The following GADL1 variants were observed in gnomAD, a reference collection of about 807,000 sequenced individuals.
The protein encoded by GADL1 is acidic amino acid decarboxylase GADL1.
A neutral mutation model predicts 69.5 loss-of-function variants in GADL1; 71 were observed. The observed-to-expected ratio is 1.02, with a 90% confidence interval of 0.84 to 1.25. GADL1 has a LOEUF of 1.25. Among genes scored for constraint, GADL1 ranks in the 50% most tolerant of loss-of-function variants. GADL1 has a pLI of 0.00. For synonymous variants in GADL1, 254 were observed against 214.4 expected, an observed-to-expected ratio of 1.18 and a Z score of -1.62; for missense variants, 737 against 631.8, an observed-to-expected ratio of 1.17 and a Z score of -1.79.
intron 14 of GADL1, among the ~76,000 whole-genome samples, chr3:30,771,199 G>A (rs1358561519): frequency 6.6e-6 from 1 of 152,204 alleles, no homozygotes; most frequent in East Asian, 1.9e-4. Flanking sequence ...CCCTTCAGCT[G>A]AAGGAACACT....
intron 14 of GADL1, among the ~76,000 whole-genome samples, chr3:30,753,582 G>C (rs9820033): frequency 0.43 from 64,571 of 151,222 alleles, 14,247 homozygotes; most frequent in African/African-American, 0.53. Context: ...AACAAGCGTC[G>C]GAAGACCAAC....
chr3:30,728,089 T>A lies in GADL1; in HGVS notation c.*153A>T. 1 of 631,662 alleles carries A rather than the reference T, an allele frequency of 1.6e-6. No homozygotes were observed. Among genetic ancestry groups the A allele is most frequent in the East Asian group, 2.6e-5 (1 of 38,902 alleles). The allele number at this position is 631,662 out of a possible 1,614,324, so 39.1% of individuals were successfully genotyped here. On this transcript the variant is annotated 3_prime_UTR_variant, in exon 15 of 15. Transcript: ENST00000282538. ...CAGGCAGCTAGAGAGTCCTTAATAT[T>A]CATTGCTTAGCATTTTGGTTTTGCT...
At chr3:30,762,540 G>C (rs961326233) in intron 14 of GADL1, among the ~76,000 whole-genome samples, 3 of 152,076 alleles carry the variant, frequency 2.0e-5, no homozygotes, top group Admixed American at 6.6e-5. Context: ...AAGATGTTTT[G>C]ATACAGGCAT....
intron 11 of GADL1, among the ~76,000 whole-genome samples, chr3:30,823,293 A>G (rs1697622401): frequency 6.6e-6 from 1 of 152,002 alleles, no homozygotes; most frequent in African/African-American, 2.4e-5. Context: ...TGTGTCCACC[A>G]AGTGTGGAGA....
intron 14 of GADL1, among the ~76,000 whole-genome samples, chr3:30,775,041 G>A (rs1164429329): frequency 1.2e-4 from 19 of 152,172 alleles, no homozygotes. Context: ...GTCAGAGGAG[G>A]ATTTTACGGA....
intron 12 of GADL1, chr3:30,800,066 A>T (rs1323344698): frequency 2.6e-5 from 4 of 152,938 alleles, no homozygotes; most frequent in Non-Finnish European, 5.8e-5. Context: ...CCTGTTACCC[A>T]GTTCCAAAGT....
At chr3:30,744,000 C>A (rs1695664610) in intron 14 of GADL1, among the ~76,000 whole-genome samples, 1 of 152,134 alleles carries the variant, frequency 6.6e-6, no homozygotes, top group African/African-American at 2.4e-5. Flanking sequence ...CTGTGACTGA[C>A]CCCCAGGGCA....
chr3:30,769,448 T>C (rs1024047531), intron 14 of GADL1, among the ~76,000 whole-genome samples: 5 of 152,170 alleles, frequency 3.3e-5, no homozygotes, highest in Admixed American at 3.3e-4. Flanking sequence ...GGATGATTCC[T>C]ATCTGTAGAA....
chr3:30,763,513 G>GT (rs1470208576), intron 14 of GADL1, among the ~76,000 whole-genome samples: 1 of 123,418 alleles, frequency 8.1e-6, no homozygotes, highest in Non-Finnish European at 1.6e-5. Context: ...GCGGCGGGGG[G>GT]TGGGGGTGGG....
At chr3:30,821,555 T>A (rs1274942816) in intron 11 of GADL1, among the ~76,000 whole-genome samples, 2 of 152,014 alleles carry the variant, frequency 1.3e-5, no homozygotes, top group Non-Finnish European at 2.9e-5. Flanking sequence ...TTAAAAAGAA[T>A]CTTTGTGTGA....
chr3:30,833,458 T>C (rs939008721), intron 11 of GADL1, among the ~76,000 whole-genome samples: 1 of 152,078 alleles, frequency 6.6e-6, no homozygotes, highest in Admixed American at 6.6e-5. Context: ...AAGTATTCAA[T>C]TTAATGTATG....
intron 14 of GADL1, among the ~76,000 whole-genome samples, chr3:30,769,813 A>G (rs1365276329): frequency 6.6e-6 from 1 of 152,230 alleles, no homozygotes; most frequent in East Asian, 1.9e-4. Flanking sequence ...GAGCTCAAGC[A>G]TCCCTCAGTC....
rs373784192 is a variant in GADL1 at position 30,777,317 on chromosome 3, A to G, written c.1392+862T>C. 9.3e-4 allele frequency among the ~76,000 whole-genome samples: 142 copies of G among 152,232 alleles called. 2 individuals carry two copies. The highest frequency in any genetic ancestry group is 3.2e-3 in the African/African-American group (134 of 41,528). On this transcript the variant is annotated intron_variant, in intron 14 of 14. Transcript: ENST00000282538. Reference sequence around the variant, plus strand: ...TTGCAAGTCAGAGCTTTTACTAACCAGGGTCATAAAGTCAGCTGTGCTGAC... The same window carrying G: ...TTGCAAGTCAGAGCTTTTACTAACCGGGGTCATAAAGTCAGCTGTGCTGAC...
At position 30,800,976 on chromosome 3, in the gene GADL1, G is replaced by C. The variant is rs1192601717; in HGVS notation, c.1163C>G (p.Pro388Arg). 1.2e-6 allele frequency: 2 copies of C among 1,613,706 alleles called. No homozygotes were observed. Among genetic ancestry groups the C allele is most frequent in the Admixed American group, 1.7e-5 (1 of 59,986 alleles). Residue 388 changes from proline to arginine, a missense_variant, in exon 12 of 15, where the codon CCA (proline) becomes CGA (arginine). By Grantham distance (103) the Pro-to-Arg change is moderately radical. Coordinates refer to ENST00000282538, the MANE Select transcript of GADL1 (RefSeq NM_207359.3). ...GGTCATCCAGAACTTGAATGCATCT[G>C]GTCTTCTGCTACACTGGATAGACTT... ...GDKSIQCSRR[P>R]DAFKFWMTWK...
At chr3:30,858,682 G>C (rs916681387) in intron 2 of GADL1, among the ~76,000 whole-genome samples, 1 of 151,866 alleles carries the variant, frequency 6.6e-6, no homozygotes, top group Non-Finnish European at 1.5e-5. Context: ...TTTAGGACAA[G>C]GCACCTTCAG....
At chr3:30,839,649 G>GGA (rs1697935190) in intron 8 of GADL1, among the ~76,000 whole-genome samples, 1 of 151,996 alleles carries the variant, frequency 6.6e-6, no homozygotes, top group African/African-American at 2.4e-5. Flanking sequence ...CAGCATCAGA[G>GGA]GAGATAAGGC....
rs746240129 is a variant in GADL1 at position 30,834,302 on chromosome 3, C to T, written c.904-21G>A. 5 of 1,599,680 alleles carry T rather than the reference C, an allele frequency of 3.1e-6. No homozygotes were observed. In the South Asian group the frequency reaches 3.3e-5, roughly 11 times the overall value. ...GAAGCCTGTTGAGATATTTACAGTA[C>T]CAGAACAATGTTATTTCAATGTTAT... On this transcript the variant is annotated intron_variant, in intron 9 of 14. Coordinates refer to ENST00000282538, the MANE Select transcript of GADL1 (RefSeq NM_207359.3).
chr3:30,759,127 CGT>C (rs1696055932), intron 14 of GADL1, among the ~76,000 whole-genome samples: 1 of 152,112 alleles, frequency 6.6e-6, no homozygotes, highest in Admixed American at 6.6e-5. Flanking sequence ...GCTGGCATCT[CGT>C]AAGGCAAATC....
chr3:30,735,894 T>C (rs1695535759), intron 14 of GADL1, among the ~76,000 whole-genome samples: 1 of 152,162 alleles, frequency 6.6e-6, no homozygotes, highest in South Asian at 2.1e-4. Context: ...ATTGAACATA[T>C]TTAAATGTAC....
Sources: allele counts gnomAD v4.1 joint callset (sites outside exome capture counted in the v4.1 genomes callset), GRCh38; gene constraint gnomAD v4.1.1; transcripts MANE v1.5; gene names NCBI Gene and HGNC (gene_info 2026-07-23, HGNC 2026-07-21).